The following EXOC4 variants were observed in gnomAD, a reference collection of about 807,000 sequenced individuals.
EXOC4 encodes SEC8-like 1.
A neutral mutation model predicts 107.2 loss-of-function variants in EXOC4; 71 were observed. The observed-to-expected ratio is 0.66, with a 90% CI of 0.55 to 0.81. The LOEUF is 0.81. EXOC4 is among the 30% of genes least tolerant of loss of function. The pLI, the probability that EXOC4 is intolerant of heterozygous loss-of-function variation, is 0.00. For missense variants in EXOC4, 1,108 were observed against 1,189.6 expected (o/e 0.93, Z 1.01); for synonymous variants, 456 against 441.2 (o/e 1.03, Z -0.42).
chr7:133,731,577 A>G (rs1795327406), intron 10 of EXOC4, among the ~76,000 whole-genome samples: 3 of 152,216 alleles, frequency 2.0e-5, no homozygotes, highest in South Asian at 4.1e-4. Context: ...GTCTAGCCAA[A>G]TAAAATACTC....
chr7:133,331,126 G>A (rs1042118459), intron 5 of EXOC4, among the ~76,000 whole-genome samples: 4 of 152,118 alleles, frequency 2.6e-5, no homozygotes, highest in African/African-American at 7.2e-5. Context: ...CAAAGTCAAG[G>A]CACAGGTTGG....
chr7:133,746,551 A>G (rs1263296314), intron 10 of EXOC4, among the ~76,000 whole-genome samples: 1 of 152,110 alleles, frequency 6.6e-6, no homozygotes, highest in African/African-American at 2.4e-5. Flanking sequence ...ACCTGCAGAT[A>G]TGCCAGTGAG....
At chr7:133,408,763 C>T (rs555730625) in intron 7 of EXOC4, among the ~76,000 whole-genome samples, 4 of 152,116 alleles carry the variant, frequency 2.6e-5, no homozygotes, top group African/African-American at 7.2e-5. Flanking sequence ...AGGAATGTTG[C>T]GTTGCTTCTC....
At chr7:133,880,673 ATGTTT>A (rs200953642) in intron 11 of EXOC4, among the ~76,000 whole-genome samples, 28 of 152,040 alleles carry the variant, frequency 1.8e-4, no homozygotes, top group African/African-American at 4.8e-4. Flanking sequence ...TCCTGCTGTT[ATGTTT>A]TGTTTTGTTT....
intron 13 of EXOC4, among the ~76,000 whole-genome samples, chr7:133,921,373 G>A (rs889411851): frequency 1.3e-5 from 2 of 152,122 alleles, no homozygotes; most frequent in African/African-American, 4.8e-5. Flanking sequence ...ATCTCTTCTA[G>A]AAACACCCTC....
chr7:133,610,621 C>CT (rs1163730330), intron 9 of EXOC4, among the ~76,000 whole-genome samples: 3 of 151,944 alleles, frequency 2.0e-5, no homozygotes, highest in Non-Finnish European at 2.9e-5. Flanking sequence ...ATTTCTTCCA[C>CT]TTTTTTTTAT....
At chr7:133,759,430 G>T (rs1419257208) in intron 10 of EXOC4, among the ~76,000 whole-genome samples, 1 of 152,216 alleles carries the variant, frequency 6.6e-6, no homozygotes, top group Non-Finnish European at 1.5e-5. Context: ...GTACATAGCT[G>T]CACTGTGTCT....
intron 17 of EXOC4, among the ~76,000 whole-genome samples, chr7:134,028,597 C>A (rs150544752): frequency 1.3e-5 from 2 of 152,186 alleles, no homozygotes; most frequent in Non-Finnish European, 2.9e-5. Context: ...ACTTCTCTGT[C>A]GCTAGCAATG....
chr7:133,523,208 A>C (rs759664202), intron 9 of EXOC4, among the ~76,000 whole-genome samples: 5 of 152,230 alleles, frequency 3.3e-5, no homozygotes, highest in Admixed American at 6.5e-5. Context: ...TCAGGATATC[A>C]TAGAATAAAT....
chr7:134,053,560 T>TTATA lies in EXOC4; in HGVS notation c.2688-10721_2688-10718dup, dbSNP rs112636370. 6.7e-5 allele frequency among the ~76,000 whole-genome samples: 10 copies of TTATA among 149,220 alleles called. No homozygotes were observed. In the East Asian group the frequency reaches 7.8e-4, roughly 12 times the overall value. ...TATGCTGATGAAAGTATATCTGATT[T>TTATA]TATATATATATATTTAAATATATAA... On this transcript the variant is annotated intron_variant, in intron 17 of 17. Transcript: ENST00000253861.
At chr7:133,429,501 A>G (rs4728286) in intron 7 of EXOC4, among the ~76,000 whole-genome samples, 71,117 of 151,882 alleles carry the variant, frequency 0.47, 17,173 homozygotes, top group East Asian at 0.6. Context: ...GTTTTAGTAT[A>G]TTCACAGGGT....
At chr7:133,498,299 C>T (rs1799516657) in intron 9 of EXOC4, among the ~76,000 whole-genome samples, 1 of 152,130 alleles carries the variant, frequency 6.6e-6, no homozygotes, top group Admixed American at 6.5e-5. Flanking sequence ...TAAAATGTCC[C>T]TTGCGGCTGG....
At chr7:133,795,938 C>T (rs1796804799) in intron 10 of EXOC4, among the ~76,000 whole-genome samples, 1 of 152,154 alleles carries the variant, frequency 6.6e-6, no homozygotes, top group Non-Finnish European at 1.5e-5. Flanking sequence ...CCTGCTAAAT[C>T]ATATTTACTC....
intron 10 of EXOC4, among the ~76,000 whole-genome samples, chr7:133,763,576 G>A (rs1796076635): frequency 6.6e-6 from 1 of 151,978 alleles, no homozygotes; most frequent in African/African-American, 2.4e-5. Context: ...AAGTAAATGA[G>A]TTAATACACA....
intron 9 of EXOC4, among the ~76,000 whole-genome samples, chr7:133,510,402 T>G (rs1235190523): frequency 6.6e-6 from 1 of 152,224 alleles, no homozygotes; most frequent in Non-Finnish European, 1.5e-5. Context: ...ACTTTTCAGC[T>G]ATTGTGAATA....
chr7:133,966,806 G>A (rs960256617), intron 14 of EXOC4, among the ~76,000 whole-genome samples: 3 of 152,164 alleles, frequency 2.0e-5, no homozygotes, highest in African/African-American at 7.2e-5. Flanking sequence ...TTATGTTTCT[G>A]TCAGGTTTGT....
chr7:133,703,697 A>C (rs1159653025), intron 10 of EXOC4, among the ~76,000 whole-genome samples: 5 of 152,240 alleles, frequency 3.3e-5, no homozygotes, highest in Admixed American at 1.3e-4. Context: ...TGCCTACTGC[A>C]TTAGAACATC....
intron 5 of EXOC4, among the ~76,000 whole-genome samples, chr7:133,332,133 T>C (rs1398833702): frequency 6.6e-6 from 1 of 152,204 alleles, no homozygotes. Flanking sequence ...GTGGCCTCTT[T>C]ATTCATTTTA....
intron 10 of EXOC4, among the ~76,000 whole-genome samples, chr7:133,777,358 G>C (rs984401218): frequency 2.0e-5 from 3 of 151,880 alleles, no homozygotes; most frequent in African/African-American, 7.3e-5. Context: ...GATTGTACTA[G>C]ACATTTTCAG....
Sources: allele counts gnomAD v4.1 joint callset (sites outside exome capture counted in the v4.1 genomes callset), GRCh38; gene constraint gnomAD v4.1.1; transcripts MANE v1.5; gene names NCBI Gene and HGNC (gene_info 2026-07-23, HGNC 2026-07-21).